The following VRK2 variants were observed in gnomAD, a reference collection of about 807,000 sequenced individuals.
VRK2 encodes the protein VRK serine/threonine kinase 2, also known as serine/threonine-protein kinase VRK2.
VRK2 carries 60 observed loss-of-function variants against 57.6 expected under a neutral mutation model. The ratio of observed to expected loss-of-function variants is 1.04; its 90% CI spans 0.85 to 1.29. The LOEUF is 1.29. Ranked by LOEUF, VRK2 falls within the 50% of genes most tolerant of loss-of-function variation. The pLI, the probability that VRK2 is intolerant of heterozygous loss-of-function variation, is 0.00. For synonymous variants in VRK2, 231 were observed against 199.2 expected (o/e 1.16, Z -1.35); for missense variants, 705 against 588.1 (o/e 1.20, Z -2.06).
At chr2:58,035,830 A>T (rs1293974300) in intron 3 of VRK2, among the ~76,000 whole-genome samples, 2 of 152,070 alleles carry the variant, frequency 1.3e-5, no homozygotes, top group Non-Finnish European at 2.9e-5. Flanking sequence ...TATGTGTGAA[A>T]ATATGAAATA....
intron 2 of VRK2, among the ~76,000 whole-genome samples, chr2:58,074,321 T>C (rs1206092995): frequency 6.6e-6 from 1 of 152,116 alleles, no homozygotes; most frequent in Non-Finnish European, 1.5e-5. Flanking sequence ...TATTATCTGC[T>C]GTATTTGTAA....
intron 1 of VRK2, among the ~76,000 whole-genome samples, chr2:58,006,492 A>C (rs576798958): frequency 2.4e-4 from 36 of 152,306 alleles, no homozygotes; most frequent in Non-Finnish European, 4.6e-4. Context: ...ACCACTGACC[A>C]ATACTGTGAG....
At chr2:58,063,034 T>C (rs964062693) in intron 2 of VRK2, among the ~76,000 whole-genome samples, 5 of 152,062 alleles carry the variant, frequency 3.3e-5, no homozygotes, top group African/African-American at 1.2e-4. Context: ...ATGATGACTT[T>C]AAGTCGAAGC....
At chr2:58,024,753 A>G (rs193091604) in intron 1 of VRK2, among the ~76,000 whole-genome samples, 19 of 152,312 alleles carry the variant, frequency 1.2e-4, no homozygotes, top group Admixed American at 3.3e-4. Context: ...ATCGACTCCT[A>G]CAATACTAAG....
intron 10 of VRK2, 26 bp from the exon 11 acceptor site, chr2:58,139,640 C>A: frequency 1.3e-6 from 2 of 1,594,158 alleles, no homozygotes; most frequent in Non-Finnish European, 1.7e-6. Flanking sequence ...TTGTGAATGA[C>A]ATGTAAAAAA....
chr2:58,071,844 C>G (rs1669403490), intron 2 of VRK2, among the ~76,000 whole-genome samples: 1 of 151,834 alleles, frequency 6.6e-6, no homozygotes, highest in South Asian at 2.1e-4. Flanking sequence ...ATTAGTATTG[C>G]TTTGACTTTA....
intron 1 of VRK2, among the ~76,000 whole-genome samples, chr2:58,024,491 A>C (rs1572795041): frequency 6.6e-6 from 1 of 152,344 alleles, no homozygotes; most frequent in East Asian, 1.9e-4. Flanking sequence ...GTTAATTTGT[A>C]ATAGTTAACA....
intron 1 of VRK2, among the ~76,000 whole-genome samples, chr2:58,007,543 CTTA>C (rs1673286102): frequency 6.6e-6 from 1 of 152,082 alleles, no homozygotes; most frequent in African/African-American, 2.4e-5. Context: ...ATATTTTCCT[CTTA>C]TAATTTTCTT....
chr2:58,034,058 T>C (rs192766959), intron 3 of VRK2, among the ~76,000 whole-genome samples: 1 of 152,190 alleles, frequency 6.6e-6, no homozygotes, highest in African/African-American at 2.4e-5. Flanking sequence ...TGCTTACAAA[T>C]GTTAGTAACT....
chr2:57,936,108 A>T (rs1324385165), intron 1 of VRK2, among the ~76,000 whole-genome samples: 2 of 152,170 alleles, frequency 1.3e-5, no homozygotes, highest in Non-Finnish European at 2.9e-5. Context: ...TACCTCATCA[A>T]ATATTTATTA....
intron 1 of VRK2, among the ~76,000 whole-genome samples, chr2:57,971,380 T>G (rs1355497287): frequency 6.6e-6 from 1 of 151,992 alleles, no homozygotes; most frequent in Non-Finnish European, 1.5e-5. Flanking sequence ...GGGTTCACCA[T>G]AAACCACATT....
upstream of VRK2, among the ~76,000 whole-genome samples, chr2:58,042,254 A>T (rs1226063613): frequency 6.6e-6 from 1 of 152,232 alleles, no homozygotes; most frequent in Non-Finnish European, 1.5e-5. Flanking sequence ...CTTTGTAATG[A>T]TCTTATATGT....
chr2:57,932,876 T>A (rs567556807), intron 1 of VRK2, among the ~76,000 whole-genome samples: 65 of 152,330 alleles, frequency 4.3e-4, no homozygotes, highest in African/African-American at 1.3e-3. Flanking sequence ...AATTTTGGTA[T>A]TTTGAGTTTC....
intron 1 of VRK2, among the ~76,000 whole-genome samples, chr2:57,951,260 G>C (rs551072654): frequency 5.3e-4 from 81 of 152,138 alleles, no homozygotes; most frequent in Non-Finnish European, 9.0e-4. Flanking sequence ...GAAATAGCAA[G>C]AGAACTGGAA....
At chr2:58,093,160 A>G (rs865364) in intron 7 of VRK2, among the ~76,000 whole-genome samples, 8 of 152,306 alleles carry the variant, frequency 5.3e-5, no homozygotes, top group South Asian at 2.1e-4. Flanking sequence ...ATGATTTATA[A>G]TCCTTTGAGT....
At chr2:58,003,614 T>C (rs1281547133) in intron 1 of VRK2, among the ~76,000 whole-genome samples, 3 of 152,130 alleles carry the variant, frequency 2.0e-5, no homozygotes, top group Non-Finnish European at 4.4e-5. Flanking sequence ...ACTATAAAAT[T>C]AGTTTATCTG....
At chr2:58,155,161 G>C (rs188222921) in intron 12 of VRK2, among the ~76,000 whole-genome samples, 1 of 152,114 alleles carries the variant, frequency 6.6e-6, no homozygotes, top group East Asian at 1.9e-4. Context: ...TGATGTTACT[G>C]ATTTATTTTA....
intron 12 of VRK2, among the ~76,000 whole-genome samples, chr2:58,157,651 C>T (rs1019328830): frequency 1.3e-5 from 2 of 152,114 alleles, no homozygotes; most frequent in Non-Finnish European, 2.9e-5. Flanking sequence ...AGGTCATACT[C>T]CTAGACCTTT....
chr2:58,137,875 T>G (rs1488418356), intron 10 of VRK2, among the ~76,000 whole-genome samples: 1 of 152,204 alleles, frequency 6.6e-6, no homozygotes, highest in Non-Finnish European at 1.5e-5. Flanking sequence ...ATCCAGATCT[T>G]GAAAGACTAA....
Sources: gnomAD v4.1 joint callset for allele counts (sites outside exome capture counted in the v4.1 genomes callset) on GRCh38, gnomAD v4.1.1 for gene constraint, MANE v1.5 for transcripts, NCBI Gene and HGNC (gene_info 2026-07-23, HGNC 2026-07-21) for gene names.